The following SLC27A6 variants were observed in gnomAD, a reference collection of about 807,000 sequenced individuals.
SLC27A6 encodes the protein long-chain fatty acid transport protein 6.
Under a neutral mutation model 63.9 loss-of-function variants are expected in SLC27A6, and 74 were observed. The ratio of observed to expected loss-of-function variants is 1.16; its 90% CI spans 0.96 to 1.40. The LOEUF is 1.40. Ranked by LOEUF, SLC27A6 falls within the 40% of genes most tolerant of loss-of-function variation. The probability of loss-of-function intolerance (pLI) is 0.00; values close to 1 mark genes in which losing one functional copy is unlikely to be tolerated. For missense variants in SLC27A6, 794 were observed against 732.9 expected (o/e 1.08, Z -0.96); for synonymous variants, 287 against 260.8 (o/e 1.10, Z -0.97).
chr5:128,979,764 C>A (rs576065925), intron 1 of SLC27A6, among the ~76,000 whole-genome samples: 1 of 152,106 alleles, frequency 6.6e-6, no homozygotes, highest in Non-Finnish European at 1.5e-5. Flanking sequence ...TCAATCTGCT[C>A]ACCTCAAAAA....
chr5:129,011,004 C>G (rs1016780424), intron 4 of SLC27A6, among the ~76,000 whole-genome samples: 3 of 152,122 alleles, frequency 2.0e-5, no homozygotes, highest in African/African-American at 7.2e-5. Flanking sequence ...TAATAGAAGA[C>G]TATTCCATTA....
chr5:128,977,787 A>C (rs1750439697), intron 1 of SLC27A6, among the ~76,000 whole-genome samples: 1 of 152,220 alleles, frequency 6.6e-6, no homozygotes, highest in African/African-American at 2.4e-5. Context: ...AATGGCAAGT[A>C]TTCTTATTTA....
chr5:128,966,578 C>A lies in SLC27A6; in HGVS notation c.441C>A (p.Cys147Ter). The A allele has an allele frequency of 6.5e-7, 1 of 1,549,642 alleles. No individual in the cohort carries two copies. Among genetic ancestry groups the A allele is most frequent in the Non-Finnish European group, 8.7e-7 (1 of 1,155,068 alleles). The part of the protein sequence containing the change: ...TNIRSNSLLN[C>*]IRACGPRALV... ...TTCGCTCCAACTCCCTCCTGAATTG[C>A]ATCCGCGCCTGTGGGCCCAGAGCCC... is the stretch of plus-strand genomic sequence containing the variant. The change falls in exon 1 of 10, where the codon TGC becomes TGA. Residue 147 changes from cysteine to a stop codon, truncating the protein, a stop_gained. Transcript: ENST00000262462. LOFTEE classifies it high-confidence loss of function.
chr5:129,015,104 A>G (rs1485538238), intron 4 of SLC27A6, among the ~76,000 whole-genome samples: 1 of 152,086 alleles, frequency 6.6e-6, no homozygotes, highest in African/African-American at 2.4e-5. Flanking sequence ...TTTTTTGGTG[A>G]TGATGGAGGT....
At chr5:129,020,674 G>T (rs1458142898) in intron 5 of SLC27A6, among the ~76,000 whole-genome samples, 1 of 152,042 alleles carries the variant, frequency 6.6e-6, no homozygotes, top group Non-Finnish European at 1.5e-5. Context: ...AAAAGTAGGT[G>T]TCTTTTAGGG....
At chr5:128,979,790 G>C (rs1750522027) in intron 1 of SLC27A6, among the ~76,000 whole-genome samples, 1 of 152,114 alleles carries the variant, frequency 6.6e-6, no homozygotes, top group Non-Finnish European at 1.5e-5. Flanking sequence ...GAACAACTGA[G>C]AGTGAAAACA....
rs1225120610 is a variant in SLC27A6, at chr5:128,990,479, T to C, written c.969+15T>C. ...AACAATCTAAGGTAGGCGTAATCAT[T>C]ATCAGAAAAAAATATGTCAGAAAGA... On this transcript the variant is annotated intron_variant, in intron 4 of 9. Transcript: ENST00000262462. The C allele has an allele frequency of 1.3e-5, 20 of 1,591,646 alleles. No homozygotes were observed. Among genetic ancestry groups the C allele is most frequent in the Non-Finnish European group, 1.6e-5 (19 of 1,173,854 alleles).
intron 4 of SLC27A6, among the ~76,000 whole-genome samples, chr5:129,007,767 G>A (rs544858647): frequency 1.2e-3 from 181 of 151,980 alleles, no homozygotes; most frequent in African/African-American, 4.1e-3. Context: ...CTTCTTCCAG[G>A]GATCTGTCCT....
intron 6 of SLC27A6, among the ~76,000 whole-genome samples, chr5:129,026,451 A>C (rs989173879): frequency 6.6e-6 from 1 of 152,164 alleles, no homozygotes; most frequent in African/African-American, 2.4e-5. Flanking sequence ...TCAATGTCTC[A>C]TCTCTTTCCC....
chr5:129,029,768 T>C (rs1752358995), intron 9 of SLC27A6, 61 bp downstream of exon 9: 1 of 1,422,210 alleles, frequency 7.0e-7, no homozygotes, highest in African/African-American at 1.4e-5. Context: ...AGTAGTTTAA[T>C]TGCAAAATAA....
rs553434885 is a variant in SLC27A6 at position 129,033,557 on chromosome 5, G to A, written c.*275G>A. On this transcript the variant is annotated 3_prime_UTR_variant, in exon 10 of 10. Coordinates refer to ENST00000262462, the MANE Select transcript of SLC27A6 (RefSeq NM_001017372.3). ...TTTTAAATAATAAATAGTGGCTAGC[G>A]GTTTGGACAATCACTAAAAATGTAC... The A allele has an allele frequency of 1.8e-4, 30 of 170,422 alleles. No individual in the cohort carries two copies. Among genetic ancestry groups the A allele is most frequent in the South Asian group, 4.0e-4 (2 of 5,030 alleles). 10.6% of individuals were successfully genotyped at this position (170,422 alleles called of 1,614,324 possible).
intron 1 of SLC27A6, among the ~76,000 whole-genome samples, chr5:128,970,739 T>G (rs866218665): frequency 1.3e-5 from 2 of 151,594 alleles, no homozygotes; most frequent in Non-Finnish European, 2.9e-5. Context: ...TTTGAAGGGT[T>G]TTTTATGTCT....
chr5:128,990,931 G>A (rs1253095844), intron 4 of SLC27A6, among the ~76,000 whole-genome samples: 1 of 152,228 alleles, frequency 6.6e-6, no homozygotes, highest in Non-Finnish European at 1.5e-5. Context: ...GTCAGCAGCG[G>A]GTCTGCGATG....
chr5:129,030,267 C>T (rs1752373039), intron 9 of SLC27A6, among the ~76,000 whole-genome samples: 1 of 151,960 alleles, frequency 6.6e-6, no homozygotes, highest in East Asian at 1.9e-4. Flanking sequence ...AACAAATTTC[C>T]TTAACTACTG....
At chr5:129,005,360 A>G (rs1328024450) in intron 4 of SLC27A6, among the ~76,000 whole-genome samples, 1 of 152,184 alleles carries the variant, frequency 6.6e-6, no homozygotes, top group Non-Finnish European at 1.5e-5. Flanking sequence ...TTATAAACCA[A>G]TATTTGTAGC....
chr5:128,990,339 G>T lies in SLC27A6; in HGVS notation c.845-1G>T. 1 of 1,611,046 alleles carries T rather than the reference G, an allele frequency of 6.2e-7. No individual in the cohort carries two copies. Among genetic ancestry groups the T allele is most frequent in the Non-Finnish European group, 8.5e-7 (1 of 1,179,324 alleles). ...GTGCCTGTTTTTGTCTTTTCTTATA[G>T]GTGCCACTTGTGTGTTAAAGAAGAA... On this transcript the variant is annotated splice_acceptor_variant, in intron 3 of 9. Coordinates refer to ENST00000262462, the MANE Select transcript of SLC27A6 (RefSeq NM_001017372.3). LOFTEE classifies it high-confidence loss of function.
At chr5:128,968,788 T>C (rs367605162) in intron 1 of SLC27A6, among the ~76,000 whole-genome samples, 1 of 152,146 alleles carries the variant, frequency 6.6e-6, no homozygotes, top group African/African-American at 2.4e-5. Context: ...TTTGTCAATT[T>C]TGGCTTTTGT....
intron 6 of SLC27A6, among the ~76,000 whole-genome samples, chr5:129,024,782 A>G (rs571639673): frequency 6.6e-6 from 1 of 152,254 alleles, no homozygotes; most frequent in Non-Finnish European, 1.5e-5. Flanking sequence ...ATATGTTGAA[A>G]CTGCATTTCA....
At chr5:129,027,798 C>T (rs1752291922) in intron 7 of SLC27A6, among the ~76,000 whole-genome samples, 1 of 152,098 alleles carries the variant, frequency 6.6e-6, no homozygotes, top group Non-Finnish European at 1.5e-5. Context: ...TAACTTCCTA[C>T]ATCCTTGCCT....
Sources: allele counts gnomAD v4.1 joint callset (sites outside exome capture counted in the v4.1 genomes callset), GRCh38; gene constraint gnomAD v4.1.1; transcripts MANE v1.5; gene names NCBI Gene and HGNC (gene_info 2026-07-23, HGNC 2026-07-21).